MGMT: variants seen among roughly 807,000 people sequenced by gnomAD.
MGMT encodes the protein methylated-DNA--protein-cysteine methyltransferase.
MGMT carries 14 observed loss-of-function variants against 15.9 expected under a neutral mutation model. The ratio of observed to expected loss-of-function variants is 0.88; its 90% CI spans 0.58 to 1.37. The LOEUF (loss-of-function observed/expected upper bound fraction) is 1.37, where lower values mean the gene tolerates loss of function less well. MGMT is among the 40% of genes most tolerant of loss of function. MGMT has a pLI of 0.00. For synonymous variants in MGMT, 130 were observed against 118.2 expected (o/e 1.10, Z -0.65); for missense variants, 282 against 268.1 (o/e 1.05, Z -0.36).
intron 2 of MGMT, among the ~76,000 whole-genome samples, chr10:129,577,181 G>A (rs1424115185): frequency 2.0e-3 from 302 of 152,200 alleles, no homozygotes; most frequent in Middle Eastern, 3.4e-3. Context: ...ATTGGAAAAA[G>A]CTACTTTAAA....
intron 1 of MGMT, among the ~76,000 whole-genome samples, chr10:129,514,281 T>G (rs1845714653): frequency 6.6e-6 from 1 of 152,240 alleles, no homozygotes; most frequent in Admixed American, 6.5e-5. Flanking sequence ...GATTGGGTAT[T>G]GTTTACATAT....
intron 2 of MGMT, among the ~76,000 whole-genome samples, chr10:129,554,581 C>T (rs1426083814): frequency 6.6e-6 from 1 of 152,094 alleles, no homozygotes; most frequent in East Asian, 1.9e-4. Context: ...ACTATGTAGC[C>T]CTGGGTGAGT....
chr10:129,732,655 C>CA (rs2133163943), intron 3 of MGMT, among the ~76,000 whole-genome samples: 1 of 150,606 alleles, frequency 6.6e-6, no homozygotes, highest in Admixed American at 6.6e-5. Context: ...GCACTGCACC[C>CA]ACTAACTCGT....
chr10:129,557,659 G>T (rs1437720934), intron 2 of MGMT, among the ~76,000 whole-genome samples: 1 of 152,104 alleles, frequency 6.6e-6, no homozygotes, highest in African/African-American at 2.4e-5. Context: ...TGATAATTGG[G>T]GAAGTTGGTT....
chr10:129,714,218 C>G (rs1848267361), intron 3 of MGMT, among the ~76,000 whole-genome samples: 1 of 152,246 alleles, frequency 6.6e-6, no homozygotes, highest in Non-Finnish European at 1.5e-5. Context: ...GCGAAGCACA[C>G]CACTCTCAGC....
In MGMT at chr10:129,467,302, T is replaced by A. The variant is rs973054388; in HGVS notation, c.-13+6T>A. 1 of 1,536,926 alleles carries A rather than the reference T, an allele frequency of 6.5e-7. No homozygotes were observed. Among genetic ancestry groups the A allele is most frequent in the Non-Finnish European group, 8.8e-7 (1 of 1,142,194 alleles). ...TGCGCACCGTTTGCGACTTGGTGAG[T>A]GTCTGGGTCGCCTCGCTCCCGGAAG... On this transcript the variant is annotated splice_donor_region_variant and intron_variant, in intron 1 of 4. Coordinates refer to ENST00000651593, the MANE Select transcript of MGMT (RefSeq NM_002412.5).
chr10:129,679,453 A>C (rs1234847568), intron 2 of MGMT, among the ~76,000 whole-genome samples: 1 of 152,196 alleles, frequency 6.6e-6, no homozygotes, highest in Non-Finnish European at 1.5e-5. Flanking sequence ...CACATGAGGC[A>C]GCCCATGTGA....
intron 2 of MGMT, among the ~76,000 whole-genome samples, chr10:129,560,205 A>G (rs897374670): frequency 6.6e-6 from 1 of 152,194 alleles, no homozygotes; most frequent in African/African-American, 2.4e-5. Flanking sequence ...CTGATGTGTA[A>G]GTTCTTATAT....
intron 2 of MGMT, among the ~76,000 whole-genome samples, chr10:129,670,113 C>T (rs939195328): frequency 4.6e-5 from 7 of 152,082 alleles, no homozygotes; most frequent in Non-Finnish European, 1.0e-4. Flanking sequence ...TCATTAGGTC[C>T]GTGAGCATCA....
rs1388650519 is a variant in MGMT, at chr10:129,646,743, TA to T, written c.126-61151del. Among the ~76,000 whole-genome samples the T allele has an allele frequency of 7.5e-3, 793 of 105,662 alleles. 47 individuals carry two copies. The highest frequency in any genetic ancestry group is 0.014 in the Admixed American group (136 of 9,984). The allele number at this position is 105,662 out of a possible 152,430, so 69.3% of individuals were successfully genotyped here. A position where few individuals can be genotyped will look rare whatever the true frequency, so the allele number is the denominator to read the frequency against. ...AAATATATATATATATATATATATATATATATATATATTTTCAGGGAATGGT... is the reference window on the plus strand; with the variant it reads ...AAATATATATATATATATATATATATTATATATATATTTTCAGGGAATGGT... On this transcript the variant is annotated intron_variant, in intron 2 of 4. Transcript: ENST00000651593.
intron 2 of MGMT, among the ~76,000 whole-genome samples, chr10:129,570,921 T>C (rs930207503): frequency 1.3e-5 from 2 of 152,232 alleles, no homozygotes; most frequent in African/African-American, 2.4e-5. Context: ...ACAAGGTCTG[T>C]CAAGATAATA....
chr10:129,566,077 C>T lies in MGMT; in HGVS notation c.125+29700C>T, dbSNP rs1222282129. 6.6e-6 allele frequency among the ~76,000 whole-genome samples: 1 copy of T among 152,226 alleles called. No individual in the cohort carries two copies. The highest frequency in any genetic ancestry group is 6.5e-5 in the Admixed American group (1 of 15,286). ...CTTCTTCAGCTCCTCTGGTCATTCA[C>T]ACGTGGCCTGGCCACTTGCCTATTG... On this transcript the variant is annotated intron_variant, in intron 2 of 4. Coordinates refer to ENST00000651593, the MANE Select transcript of MGMT (RefSeq NM_002412.5). The surrounding 1 kb of genome is among the most constrained non-coding windows in gnomAD (Gnocchi z 4.1).
intron 2 of MGMT, 150 bp downstream of exon 2, chr10:129,536,527 T>C: frequency 2.2e-6 from 2 of 915,934 alleles, no homozygotes; most frequent in Non-Finnish European, 3.1e-6. Flanking sequence ...CAAAACAGTG[T>C]GCTGCGACGG....
intron 1 of MGMT, among the ~76,000 whole-genome samples, chr10:129,473,026 G>T (rs1379083985): frequency 1.3e-5 from 2 of 152,328 alleles, no homozygotes; most frequent in East Asian, 3.9e-4. Context: ...TGGGCTTCAT[G>T]TGTGCTCCTA....
chr10:129,715,037 C>T (rs1848278010), intron 3 of MGMT, among the ~76,000 whole-genome samples: 1 of 152,192 alleles, frequency 6.6e-6, no homozygotes, highest in Non-Finnish European at 1.5e-5. Context: ...GGAAGCAGCC[C>T]TCACACAGAG....
chr10:129,680,598 T>C (rs183976037), intron 2 of MGMT, among the ~76,000 whole-genome samples: 1 of 125,546 alleles, frequency 8.0e-6, no homozygotes, highest in African/African-American at 2.6e-5. Flanking sequence ...GAAGGGAAGA[T>C]TCAGGAAGGT....
At chr10:129,507,898 T>C (rs1845641845) in intron 1 of MGMT, among the ~76,000 whole-genome samples, 1 of 152,246 alleles carries the variant, frequency 6.6e-6, no homozygotes, top group South Asian at 2.1e-4. Flanking sequence ...AAAGCTTTTG[T>C]TCTCATTCCA....
Position 129,719,961 on chromosome 10 carries a change from G to A in MGMT, c.274+11918G>A, listed in dbSNP as rs1400392259. Among the ~76,000 whole-genome samples the A allele has an allele frequency of 2.0e-5, 3 of 152,206 alleles. No individual in the cohort carries two copies. The South Asian group carries it at 6.2e-4, about 32-fold the overall frequency. ...ATCCCAGTGGTAGTTAGCAAGTCAG[G>A]ACAGCTGACTCCACCTGGTCCTTTG... is the stretch of plus-strand genomic sequence containing the variant. On this transcript the variant is annotated intron_variant, in intron 3 of 4. Coordinates refer to ENST00000651593, the MANE Select transcript of MGMT (RefSeq NM_002412.5).
chr10:129,547,430 AAAGGCTTAT>A (rs1362735259), intron 2 of MGMT, among the ~76,000 whole-genome samples: 2 of 152,152 alleles, frequency 1.3e-5, no homozygotes, highest in African/African-American at 4.8e-5. Flanking sequence ...TTAAAAGTAG[AAAGGCTTAT>A]GGACTGTATG....
Sources: gnomAD v4.1 joint callset for allele counts (sites outside exome capture counted in the v4.1 genomes callset) on GRCh38, gnomAD v4.1.1 for gene constraint, Gnocchi (gnomAD v3.1) non-coding constraint, MANE v1.5 for transcripts, NCBI Gene and HGNC (gene_info 2026-07-23, HGNC 2026-07-21) for gene names.